Variants in SNX20 observed in about 807,000 individuals in gnomAD.
SNX20 encodes sorting nexin 20.
SNX20 carries 21 observed loss-of-function variants against 24.5 expected under a neutral mutation model. The ratio of observed to expected loss-of-function variants is 0.86; its 90% confidence interval spans 0.61 to 1.23. The LOEUF is 1.23. Ranked by LOEUF, SNX20 falls within the 50% of genes most tolerant of loss-of-function variation. The pLI is 0.00. For synonymous variants in SNX20, 206 were observed against 192.8 expected, an observed-to-expected ratio of 1.07 and a Z score of -0.57; for missense variants, 433 against 430.8, an observed-to-expected ratio of 1.00 and a Z score of -0.04.
Position 50,679,794 on chromosome 16 carries a change from T to C in SNX20, c.-10+1396A>G, listed in dbSNP as rs532876496. ...TGCCTAAGTGAGACAGTGGATGGTT[T>C]ACGTGATTCTTGGTGGCTGGGATTC... On this transcript the variant is annotated intron_variant, in intron 1 of 3. Transcript: ENST00000330943. Among the ~76,000 whole-genome samples the C allele has an allele frequency of 1.4e-3, 211 of 152,302 alleles. 8 individuals are homozygous for C. The South Asian group carries it at 0.043, about 31-fold the overall frequency.
intron 1 of SNX20, among the ~76,000 whole-genome samples, chr16:50,680,177 C>T (rs369735781): frequency 6.6e-6 from 1 of 152,120 alleles, no homozygotes; most frequent in East Asian, 1.9e-4. Flanking sequence ...TCCATGGGGC[C>T]TTGGGTAGCT....
chr16:50,668,943 C>T, downstream of SNX20: 1 of 1,506,706 alleles, frequency 6.6e-7, no homozygotes, highest in Non-Finnish European at 8.9e-7. Context: ...CGGCCCTGCC[C>T]AGGCCTCAGC....
chr16:50,679,284 C>A (rs982463535), intron 1 of SNX20, among the ~76,000 whole-genome samples: 5 of 152,190 alleles, frequency 3.3e-5, no homozygotes, highest in African/African-American at 1.2e-4. Flanking sequence ...GGGAGTCATG[C>A]ATGTCCCTGA....
intron 1 of SNX20, among the ~76,000 whole-genome samples, chr16:50,677,998 G>C (rs1326139498): frequency 6.6e-6 from 1 of 151,960 alleles, no homozygotes; most frequent in Non-Finnish European, 1.5e-5. Context: ...CTTGAGCCCA[G>C]GAATTTGAGA....
intron 2 of SNX20, among the ~76,000 whole-genome samples, chr16:50,676,685 T>A (rs1963189302): frequency 6.6e-6 from 1 of 152,266 alleles, no homozygotes; most frequent in Non-Finnish European, 1.5e-5. Context: ...TTCCTACAGG[T>A]TTTTCATTTT....
intron 3 of SNX20, among the ~76,000 whole-genome samples, chr16:50,675,070 C>G (rs1226655082): frequency 6.6e-6 from 1 of 152,226 alleles, no homozygotes; most frequent in Non-Finnish European, 1.5e-5. Context: ...ACTGAAACCA[C>G]ATGGAGCTGT....
Position 50,673,945 on chromosome 16 carries a change from C to T in SNX20, c.412G>A (p.Val138Met), listed in dbSNP as rs1963121816. Residue 138 changes from valine to methionine, a missense_variant, in exon 4 of 4, where the codon GTG (valine) becomes ATG (methionine). Transcript: ENST00000330943. The surrounding 1 kb of genome is among the most constrained non-coding windows in gnomAD (Gnocchi z 4.1). The stretch of plus-strand genomic sequence containing the variant: ...GTCAGGTGCTTCCTGGGAAACTCCA[C>T]GTCTTCGATCTCCTCCCTGAACGTC... The part of the protein sequence containing the change: ...LKTFREEIED[V>M]EFPRKHLTGN... 3.7e-6 allele frequency: 6 copies of T among 1,613,072 alleles called. No homozygotes were observed. Among genetic ancestry groups the T allele is most frequent in the African/African-American group, 1.3e-5 (1 of 74,882 alleles).
At position 50,673,312 on chromosome 16, in the gene SNX20, GA is replaced by G. The variant is rs1963092979; in HGVS notation, c.*93del. The G allele has an allele frequency of 1.4e-6, 2 of 1,399,178 alleles. No homozygotes were observed. The highest frequency in any genetic ancestry group is 2.7e-5 in the East Asian group (1 of 37,022). The allele number at this position is 1,399,178 out of a possible 1,614,324, so 86.7% of individuals were successfully genotyped here. A position where few individuals can be genotyped will look rare whatever the true frequency, so the allele number is the denominator to read the frequency against. ...CAAGACTGTCTCAAATAACAAAAAAGAAAAGGAAAAATAAAAAAAAAGAACC... is the reference window on the plus strand; with the variant it reads ...CAAGACTGTCTCAAATAACAAAAAAGAAAGGAAAAATAAAAAAAAAGAACC... On this transcript the variant is annotated 3_prime_UTR_variant, in exon 4 of 4. Transcript: ENST00000330943. The surrounding 1 kb of genome is among the most constrained non-coding windows in gnomAD (Gnocchi z 4.1).
intron 1 of SNX20, among the ~76,000 whole-genome samples, chr16:50,680,126 T>C (rs1246901958): frequency 6.6e-6 from 1 of 152,162 alleles, no homozygotes; most frequent in Admixed American, 6.5e-5. Flanking sequence ...GAGTCACCCA[T>C]TTAAAGAGGA....
chr16:50,674,537 T>A (rs111874056), intron 3 of SNX20, among the ~76,000 whole-genome samples: 1 of 152,128 alleles, frequency 6.6e-6, no homozygotes, highest in African/African-American at 2.4e-5. Flanking sequence ...CATGAGCCAC[T>A]GCACCTGGCC....
chr16:50,676,465 C>G lies in SNX20; in HGVS notation c.131-544G>C, dbSNP rs145433668. Among the ~76,000 whole-genome samples, 1,467 of 152,286 alleles carry G rather than the reference C, an allele frequency of 9.6e-3. 11 individuals are homozygous for G. Among genetic ancestry groups the G allele is most frequent in the Middle Eastern group, 0.031 (9 of 294 alleles). ...TGCACTGCTCTGCCTTGCATCCAAC[C>G]CTCTATTTCCACGCCTGGAAAACGA... On this transcript the variant is annotated intron_variant, in intron 2 of 3. Transcript: ENST00000330943.
At position 50,672,162 on chromosome 16, in the gene SNX20, G is replaced by A. The variant is rs1963064000; in HGVS notation, c.*1244C>T. ...TTTCCAGACAGCAGACCTCAGTTAA[G>A]GGCATCCCAGTCCATCAGAGAAGTT... On this transcript the variant is annotated 3_prime_UTR_variant, in exon 4 of 4. Coordinates refer to ENST00000330943, the MANE Select transcript of SNX20 (RefSeq NM_182854.4). The A allele has an allele frequency of 6.6e-6, 1 of 152,176 alleles. No homozygotes were observed. Among genetic ancestry groups the A allele is most frequent in the Admixed American group, 6.5e-5 (1 of 15,274 alleles). The allele number at this position is 152,176 out of a possible 1,614,324, so 9.4% of individuals were successfully genotyped here. A position where few individuals can be genotyped will look rare whatever the true frequency, so the allele number is the denominator to read the frequency against.
chr16:50,668,326 T>G, downstream of SNX20: 3 of 1,271,792 alleles, frequency 2.4e-6, no homozygotes, highest in Non-Finnish European at 3.1e-6. Flanking sequence ...TGCAGGTCTC[T>G]AATGCTTATT....
chr16:50,675,796 C>T lies in SNX20; in HGVS notation c.256G>A (p.Glu86Lys), dbSNP rs766972697. ...LLFEIASARI[E>K]ERKVSKFVVY... Reference sequence around the variant, plus strand: ...ACAAACTTAGAGACTTTTCTCTCCTCGATGCGAGCTGAAGCGATCTCAAAG... The same window carrying T: ...ACAAACTTAGAGACTTTTCTCTCCTTGATGCGAGCTGAAGCGATCTCAAAG... The change falls in exon 3 of 4, where the codon GAG becomes AAG. Residue 86 changes from glutamate to lysine, a missense_variant. Physicochemically the swap from Glu to Lys is moderately conservative, Grantham distance 56. Transcript: ENST00000330943. The T allele has an allele frequency of 1.1e-5, 17 of 1,613,410 alleles. No homozygotes were observed. Among genetic ancestry groups the T allele is most frequent in the African/African-American group, 2.7e-5 (2 of 74,908 alleles).
At chr16:50,668,403 C>G, downstream of SNX20, 1 of 882,100 alleles carries the variant, frequency 1.1e-6, no homozygotes, top group Non-Finnish European at 1.5e-6. Context: ...GGGCCTGTCT[C>G]AGGTAAAAGC....
chr16:50,667,085 G>C (rs1022409872), downstream of SNX20: 7 of 151,916 alleles, frequency 4.6e-5, no homozygotes, highest in African/African-American at 1.7e-4. Context: ...GTAACCAAAA[G>C]GGTCTGCACG....
intron 2 of SNX20, 96 bp downstream of exon 2, chr16:50,677,301 C>T: frequency 7.1e-7 from 1 of 1,414,558 alleles, no homozygotes; most frequent in Non-Finnish European, 9.3e-7. Context: ...CAAGAGCTGC[C>T]CGGGCCTCTT....
chr16:50,668,496 T>G, downstream of SNX20: 1 of 949,720 alleles, frequency 1.1e-6, no homozygotes, highest in Non-Finnish European at 1.3e-6. Flanking sequence ...GATTCTGAGT[T>G]TCCATTTAGG....
chr16:50,677,671 C>T, intron 1 of SNX20, 136 bp from the exon 2 acceptor site: 3 of 965,796 alleles, frequency 3.1e-6, no homozygotes, highest in South Asian at 2.3e-5. Context: ...CTCAACCTTC[C>T]CCACTCTCCC....
Sources: allele counts gnomAD v4.1 joint callset (sites outside exome capture counted in the v4.1 genomes callset), GRCh38; gene constraint gnomAD v4.1.1; non-coding constraint Gnocchi (gnomAD v3.1); transcripts MANE v1.5; gene names NCBI Gene and HGNC (gene_info 2026-07-23, HGNC 2026-07-21).